The following AKAP6 variants were observed in gnomAD, a reference collection of about 807,000 sequenced individuals.
AKAP6 encodes A-kinase anchoring protein 6, also known as A-kinase anchor protein 6.
AKAP6 carries 58 observed loss-of-function variants against 188.5 expected under a neutral mutation model. The ratio of observed to expected loss-of-function variants is 0.31; its 90% confidence interval spans 0.25 to 0.38. AKAP6 has a LOEUF of 0.38. AKAP6 is among the 10% of genes least tolerant of loss of function. The pLI is 1.00. For synonymous variants in AKAP6, 989 were observed against 998.6 expected, an observed-to-expected ratio of 0.99 and a Z score of 0.18; for missense variants, 2,710 against 2,740.0, an observed-to-expected ratio of 0.99 and a Z score of 0.24.
chr14:32,805,023 T>C (rs2034053077), intron 12 of AKAP6, among the ~76,000 whole-genome samples: 1 of 152,218 alleles, frequency 6.6e-6, no homozygotes, highest in Admixed American at 6.5e-5. Flanking sequence ...ACTGATTTCA[T>C]ATTTTTCAAA....
rs1460625015 is a variant in AKAP6, at chr14:32,546,184, C to T, written c.1531C>T (p.Pro511Ser). ...TSEEVPPCRT[P>S]KRGTGSGKQA... is the part of the protein sequence containing the mutation. ...AGAAGAGGTGCCTCCATGCCGAACA[C>T]CTAAACGGGGGACTGGTTCAGGCAA... The change falls in exon 4 of 14, where the codon CCT becomes TCT. Residue 511 changes from proline (P) to serine (S), a missense_variant. Physicochemically the swap from Pro to Ser is moderately conservative, Grantham distance 74. Coordinates refer to ENST00000280979, the MANE Select transcript of AKAP6 (RefSeq NM_004274.5). 6.2e-7 allele frequency: 1 copy of T among 1,614,104 alleles called. No individual in the cohort carries two copies. Among genetic ancestry groups the T allele is most frequent in the Non-Finnish European group, 8.5e-7 (1 of 1,180,016 alleles).
intron 9 of AKAP6, among the ~76,000 whole-genome samples, chr14:32,723,087 G>A (rs2030638640): frequency 6.6e-6 from 1 of 152,122 alleles, no homozygotes. Flanking sequence ...TCCCCCTCCT[G>A]CAAGGGGTTT....
intron 8 of AKAP6, chr14:32,693,689 A>G (rs188986099): frequency 1.1e-3 from 163 of 152,170 alleles, no homozygotes; most frequent in African/African-American, 3.8e-3. Context: ...CTTATTTTTT[A>G]TTCTCCAAAT....
intron 12 of AKAP6, among the ~76,000 whole-genome samples, chr14:32,779,498 T>C (rs1015854058): frequency 6.6e-6 from 1 of 151,120 alleles, no homozygotes; most frequent in African/African-American, 2.4e-5. Flanking sequence ...TATATTAAGC[T>C]AACACAAACA....
At chr14:32,801,265 C>G (rs1420702178) in intron 12 of AKAP6, among the ~76,000 whole-genome samples, 1 of 151,642 alleles carries the variant, frequency 6.6e-6, no homozygotes, top group African/African-American at 2.4e-5. Flanking sequence ...TATTTCATTT[C>G]ATTTTGTTTC....
At chr14:32,522,274 A>G (rs184686839) in intron 2 of AKAP6, among the ~76,000 whole-genome samples, 4 of 152,376 alleles carry the variant, frequency 2.6e-5, no homozygotes, top group East Asian at 3.8e-4. Flanking sequence ...GGACATAGGC[A>G]TGGGCAAGTA....
At chr14:32,767,209 C>A (rs193196750) in intron 11 of AKAP6, among the ~76,000 whole-genome samples, 2 of 152,148 alleles carry the variant, frequency 1.3e-5, no homozygotes, top group East Asian at 3.9e-4. Flanking sequence ...TGAACATTAT[C>A]TTGTCTACAC....
chr14:32,509,759 C>T (rs1004912519), intron 2 of AKAP6, among the ~76,000 whole-genome samples: 2 of 152,082 alleles, frequency 1.3e-5, no homozygotes, highest in Non-Finnish European at 2.9e-5. Flanking sequence ...GTGAAGCCAG[C>T]GTGGTCAGAA....
intron 1 of AKAP6, among the ~76,000 whole-genome samples, chr14:32,337,576 T>TTTA (rs1382712570): frequency 6.6e-6 from 1 of 152,114 alleles, no homozygotes; most frequent in East Asian, 1.9e-4. Context: ...AAAATTTTAT[T>TTTA]TTATTATTAT....
At chr14:32,610,892 T>G (rs753086671) in intron 7 of AKAP6, among the ~76,000 whole-genome samples, 10 of 152,204 alleles carry the variant, frequency 6.6e-5, no homozygotes, top group Non-Finnish European at 1.0e-4. Flanking sequence ...ACTGGACAGC[T>G]TTGGATATCA....
rs1461440824 is a variant in AKAP6 at position 32,833,473 on chromosome 14, T to G, written c.*3668T>G. ...ACCAGAAAAAGTAAAGTGGTTTTAA[T>G]TACAGAAAGAAAAATATTTGTTAGA... On this transcript the variant is annotated 3_prime_UTR_variant, in exon 14 of 14. Coordinates refer to ENST00000280979, the MANE Select transcript of AKAP6 (RefSeq NM_004274.5). The G allele has an allele frequency of 1.3e-5, 2 of 152,200 alleles. No homozygotes were observed. Among genetic ancestry groups the G allele is most frequent in the Non-Finnish European group, 2.9e-5 (2 of 68,038 alleles). The allele number at this position is 152,200 out of a possible 1,614,324, so 9.4% of individuals were successfully genotyped here. A position where few individuals can be genotyped will look rare whatever the true frequency, so the allele number is the denominator to read the frequency against.
chr14:32,588,299 T>G (rs1239101723), intron 5 of AKAP6, among the ~76,000 whole-genome samples: 2 of 152,232 alleles, frequency 1.3e-5, no homozygotes, highest in South Asian at 4.1e-4. Flanking sequence ...AATATTTTAT[T>G]GTGTGGATAT....
At chr14:32,827,460 G>A (rs955701498) in intron 13 of AKAP6, among the ~76,000 whole-genome samples, 4 of 151,748 alleles carry the variant, frequency 2.6e-5, no homozygotes, top group Non-Finnish European at 5.9e-5. Flanking sequence ...TAACAAAAAT[G>A]TTTTCCAGAT....
chr14:32,652,064 G>A (rs560091402), intron 7 of AKAP6, among the ~76,000 whole-genome samples: 55 of 151,954 alleles, frequency 3.6e-4, no homozygotes, highest in Non-Finnish European at 6.6e-4. Flanking sequence ...CTACATCTTC[G>A]GTTTAGTGTC....
intron 8 of AKAP6, among the ~76,000 whole-genome samples, chr14:32,690,107 A>G (rs970901171): frequency 7.3e-5 from 11 of 151,438 alleles, no homozygotes; most frequent in African/African-American, 2.7e-4. Flanking sequence ...ACACACACAC[A>G]CACACACACA....
intron 9 of AKAP6, among the ~76,000 whole-genome samples, chr14:32,710,671 C>G (rs1255669816): frequency 6.6e-6 from 1 of 152,008 alleles, no homozygotes; most frequent in African/African-American, 2.4e-5. Context: ...GTGCCTTTTC[C>G]TCCAGATCAT....
chr14:32,588,690 GTC>G (rs1885354914), intron 5 of AKAP6, among the ~76,000 whole-genome samples: 1 of 152,168 alleles, frequency 6.6e-6, no homozygotes, highest in African/African-American at 2.4e-5. Flanking sequence ...AGTGCTTACA[GTC>G]TTGGTATCCG....
At chr14:32,332,794 A>AT (rs576476934) in intron 1 of AKAP6, among the ~76,000 whole-genome samples, 167 of 152,214 alleles carry the variant, frequency 1.1e-3, no homozygotes, top group African/African-American at 4.0e-3. Flanking sequence ...TAGAGGATTT[A>AT]TTTTGCTGAA....
At chr14:32,698,283 A>G (rs1026036855) in intron 9 of AKAP6, among the ~76,000 whole-genome samples, 5 of 152,126 alleles carry the variant, frequency 3.3e-5, no homozygotes, top group Non-Finnish European at 4.4e-5. Context: ...TCAATATCCT[A>G]TTCCTCTGTT....
Sources: allele counts gnomAD v4.1 joint callset (sites outside exome capture counted in the v4.1 genomes callset), GRCh38; gene constraint gnomAD v4.1.1; transcripts MANE v1.5; gene names NCBI Gene and HGNC (gene_info 2026-07-23, HGNC 2026-07-21).